Variants in ULK4 observed in about 807,000 individuals in gnomAD.
ULK4 encodes the protein inactive serine/threonine-protein kinase ULK4.
In ULK4, 133 loss-of-function variants were observed where a neutral mutation model predicts 160.6. The ratio of observed to expected loss-of-function variants is 0.83; its 90% CI spans 0.72 to 0.96. The LOEUF is 0.96. ULK4 is among the 40% of genes least tolerant of loss of function. ULK4 has a pLI of 0.00. For synonymous variants in ULK4, 534 were observed against 539.8 expected (o/e 0.99, Z 0.15); for missense variants, 1,580 against 1,499.5 (o/e 1.05, Z -0.89).
intron 12 of ULK4, 76 bp from the exon 13 acceptor site, chr3:41,900,905 T>C (rs1698329399): frequency 9.9e-7 from 1 of 1,008,070 alleles, no homozygotes; most frequent in Non-Finnish European, 1.5e-6. Context: ...AGTAAGATGC[T>C]GAGGAAGACA....
intron 32 of ULK4, among the ~76,000 whole-genome samples, chr3:41,503,075 A>G (rs1381295880): frequency 1.3e-5 from 2 of 152,224 alleles, no homozygotes; most frequent in Non-Finnish European, 2.9e-5. Context: ...ACAGAAATTC[A>G]AAAAGGTACT....
chr3:41,507,804 A>G (rs929528870), intron 32 of ULK4, among the ~76,000 whole-genome samples: 3 of 152,200 alleles, frequency 2.0e-5, no homozygotes, highest in African/African-American at 7.2e-5. Flanking sequence ...TCCTATGAAG[A>G]AATATTCAAA....
intron 35 of ULK4, among the ~76,000 whole-genome samples, chr3:41,340,383 C>T (rs1369246978): frequency 6.6e-6 from 1 of 152,188 alleles, no homozygotes; most frequent in African/African-American, 2.4e-5. Context: ...GCAAGGTTAT[C>T]CATGGTTCTG....
chr3:41,593,114 T>C (rs1161003439), intron 31 of ULK4, among the ~76,000 whole-genome samples: 1 of 152,240 alleles, frequency 6.6e-6, no homozygotes, highest in Non-Finnish European at 1.5e-5. Context: ...AGTATTATCA[T>C]ATTTTGTTTC....
intron 35 of ULK4, among the ~76,000 whole-genome samples, chr3:41,396,545 T>G (rs930552168): frequency 4.6e-5 from 7 of 152,136 alleles, no homozygotes; most frequent in Non-Finnish European, 1.0e-4. Flanking sequence ...AGTAATTTTT[T>G]AAAGAAACAT....
chr3:41,925,381 C>T (rs1157292539), intron 5 of ULK4, among the ~76,000 whole-genome samples: 3 of 152,226 alleles, frequency 2.0e-5, no homozygotes, highest in African/African-American at 7.2e-5. Flanking sequence ...CCACATACTG[C>T]ATTTTTCCCA....
chr3:41,464,589 A>G (rs1158883769), intron 32 of ULK4, among the ~76,000 whole-genome samples: 1 of 152,226 alleles, frequency 6.6e-6, no homozygotes, highest in Non-Finnish European at 1.5e-5. Context: ...GTTACAATGC[A>G]TCACCCATGT....
intron 31 of ULK4, among the ~76,000 whole-genome samples, chr3:41,590,376 G>A (rs867266545): frequency 2.0e-5 from 3 of 150,042 alleles, no homozygotes; most frequent in Admixed American, 6.7e-5. Context: ...AGCACTTAGG[G>A]AGGCTGAGGC....
At chr3:41,574,574 C>A (rs2088122501) in intron 31 of ULK4, among the ~76,000 whole-genome samples, 1 of 116,628 alleles carries the variant, frequency 8.6e-6, no homozygotes, top group African/African-American at 3.0e-5. Context: ...CAGAGTCTTG[C>A]TCTGCCACCC....
chr3:41,690,278 C>T (rs1197745610), intron 27 of ULK4, among the ~76,000 whole-genome samples: 2 of 151,274 alleles, frequency 1.3e-5, no homozygotes, highest in Non-Finnish European at 3.0e-5. Flanking sequence ...ACATCACACT[C>T]CGGGGACTGT....
At chr3:41,709,103 C>T (rs558313071) in intron 25 of ULK4, among the ~76,000 whole-genome samples, 33 of 152,168 alleles carry the variant, frequency 2.2e-4, no homozygotes, top group African/African-American at 7.5e-4. Context: ...AATATGTTAA[C>T]AATGGTTGTC....
At chr3:41,516,175 T>C (rs2085741223) in intron 32 of ULK4, among the ~76,000 whole-genome samples, 1 of 152,216 alleles carries the variant, frequency 6.6e-6, no homozygotes, top group Non-Finnish European at 1.5e-5. Flanking sequence ...TAGAAATACA[T>C]GTTCTGATTC....
Position 41,912,287 on chromosome 3 carries a change from C to T in ULK4, c.896+520G>A, listed in dbSNP as rs1406344884. Among the ~76,000 whole-genome samples the T allele has an allele frequency of 2.0e-5, 3 of 149,166 alleles. 1 individual carries two copies. Among genetic ancestry groups the T allele is most frequent in the Non-Finnish European group, 1.5e-5 (1 of 67,730 alleles). On this transcript the variant is annotated intron_variant, in intron 9 of 36. Coordinates refer to ENST00000301831, the MANE Select transcript of ULK4 (RefSeq NM_017886.4). ...AAGGCTGCAATGCACCATGATTGTACCACTACACTCCTGCCTAGGTGACAG... is the reference window on the plus strand; with the variant it reads ...AAGGCTGCAATGCACCATGATTGTATCACTACACTCCTGCCTAGGTGACAG...
At chr3:41,890,314 T>C (rs539925430) in intron 16 of ULK4, among the ~76,000 whole-genome samples, 21 of 152,182 alleles carry the variant, frequency 1.4e-4, no homozygotes, top group African/African-American at 4.6e-4. Context: ...CCCACACCCA[T>C]CCTGTAGGGG....
rs57224854 is a variant in ULK4 at position 41,412,553 on chromosome 3, A to ATTTTTTTTTTTTTTTTTTTTTTTTTTTT, written c.3493-14290_3493-14289insAAAAAAAAAAAAAAAAAAAAAAAAAAAA. Reference sequence around the variant, plus strand: ...TAAAGGTCAATGGCAATGCAGTTGAATTTTTTTTTTTTTTTTTTTTTTTTT... The same window carrying ATTTTTTTTTTTTTTTTTTTTTTTTTTTT: ...TAAAGGTCAATGGCAATGCAGTTGAATTTTTTTTTTTTTTTTTTTTTTTTTTTTTTTTTTTTTTTTTTTTTTTTTTTTT... On this transcript the variant is annotated intron_variant, in intron 34 of 36. Transcript: ENST00000301831. Among the ~76,000 whole-genome samples the ATTTTTTTTTTTTTTTTTTTTTTTTTTTT allele has an allele frequency of 1.9e-4, 19 of 100,434 alleles. 2 individuals carry two copies. Among genetic ancestry groups the ATTTTTTTTTTTTTTTTTTTTTTTTTTTT allele is most frequent in the South Asian group, 3.0e-4 (1 of 3,358 alleles). 65.9% of individuals were successfully genotyped at this position (100,434 alleles called of 152,430 possible).
chr3:41,569,289 A>T (rs1467138965), intron 31 of ULK4, among the ~76,000 whole-genome samples: 1 of 151,932 alleles, frequency 6.6e-6, no homozygotes, highest in Non-Finnish European at 1.5e-5. Context: ...GGAGATTGGG[A>T]CTCAAAGTTT....
intron 27 of ULK4, among the ~76,000 whole-genome samples, chr3:41,696,359 GTCTC>G (rs1349895785): frequency 1.3e-5 from 2 of 152,070 alleles, no homozygotes; most frequent in African/African-American, 2.4e-5. Flanking sequence ...GGTGTAAGCT[GTCTC>G]TCTCTCTCCC....
intron 31 of ULK4, among the ~76,000 whole-genome samples, chr3:41,610,170 C>T (rs2032605057): frequency 6.6e-6 from 1 of 151,644 alleles, no homozygotes; most frequent in Non-Finnish European, 1.5e-5. Context: ...CACACACCAC[C>T]ACGCCTGGCT....
At chr3:41,516,079 T>C (rs2085738204) in intron 32 of ULK4, among the ~76,000 whole-genome samples, 2 of 120,646 alleles carry the variant, frequency 1.7e-5, no homozygotes, top group Admixed American at 1.8e-4. Flanking sequence ...CAATAAAAAG[T>C]AAATAAAATA....
Sources: allele counts gnomAD v4.1 joint callset (sites outside exome capture counted in the v4.1 genomes callset), GRCh38; gene constraint gnomAD v4.1.1; transcripts MANE v1.5; gene names NCBI Gene and HGNC (gene_info 2026-07-23, HGNC 2026-07-21).